RCOR3: variants seen among roughly 807,000 people sequenced by gnomAD.
RCOR3 encodes the protein REST corepressor 3.
In RCOR3, 13 loss-of-function variants were observed where a neutral mutation model predicts 64.1. The observed-to-expected ratio is 0.20, with a 90% CI of 0.13 to 0.32. The LOEUF (loss-of-function observed/expected upper bound fraction) is 0.32, where lower values mean the gene tolerates loss of function less well. Ranked by LOEUF, RCOR3 falls within the 10% of genes least tolerant of loss-of-function variation. The pLI is 1.00. For synonymous variants in RCOR3, 215 were observed against 239.0 expected, an observed-to-expected ratio of 0.90 and a Z score of 0.93; for missense variants, 489 against 701.2, an observed-to-expected ratio of 0.70 and a Z score of 3.42.
chr1:211,303,993 CTG>C (rs1700627881), intron 9 of RCOR3, 88 bp from the exon 10 acceptor site: 9 of 728,624 alleles, frequency 1.2e-5, no homozygotes, highest in Non-Finnish European at 2.0e-5. Flanking sequence ...AATCTCATGT[CTG>C]TGATTTGATG....
chr1:211,313,072 T>G lies in RCOR3; in HGVS notation c.1317+111T>G. On this transcript the variant is annotated intron_variant, in intron 11 of 11. Transcript: ENST00000419091. This position sits in a 1 kb window ranked among gnomAD's most constrained non-coding sequence, Gnocchi z 4.7. The stretch of plus-strand genomic sequence containing the variant: ...GACTAGCTAAATTGAGCATGAAAGG[T>G]TGACAATACACTTCTTCAGTGGTGC... The G allele has an allele frequency of 6.4e-7, 1 of 1,570,082 alleles. No individual in the cohort carries two copies. Among genetic ancestry groups the G allele is most frequent in the Non-Finnish European group, 8.6e-7 (1 of 1,159,994 alleles).
At chr1:211,307,973 A>T (rs1335544853) in intron 10 of RCOR3, among the ~76,000 whole-genome samples, 1 of 152,150 alleles carries the variant, frequency 6.6e-6, no homozygotes, top group East Asian at 1.9e-4. Context: ...AGATAAATGA[A>T]GTTGCAAGTC....
intron 3 of RCOR3, 79 bp from the exon 4 acceptor site, chr1:211,274,131 G>T: frequency 3.2e-6 from 3 of 928,780 alleles, no homozygotes; most frequent in South Asian, 1.7e-5. Context: ...GTTTTAATTT[G>T]CTATGTTAAG....
chr1:211,272,040 C>T (rs1571829544), intron 3 of RCOR3, among the ~76,000 whole-genome samples: 2 of 152,068 alleles, frequency 1.3e-5, no homozygotes, highest in Middle Eastern at 3.2e-3. Context: ...TATTTAGTAC[C>T]ATGAAAATTA....
rs768803636 is a variant in RCOR3, at chr1:211,289,322, G to A, written c.865G>A (p.Val289Ile). 1.9e-5 allele frequency: 31 copies of A among 1,614,114 alleles called. No individual in the cohort carries two copies. Among genetic ancestry groups the A allele is most frequent in the Non-Finnish European group, 2.5e-5 (29 of 1,179,982 alleles). ...MYLTQEDVVAVSCSPNAANTI... is the reference protein window; with the variant it reads ...MYLTQEDVVAISCSPNAANTI... ...TTTAACCCAGGAAGATGTGGTAGCA[G>A]TTTCCTGTAGTCCCAATGCAGCCAA... is the stretch of plus-strand genomic sequence containing the variant. The change falls in exon 8 of 12, where the codon GTT (valine) becomes ATT (isoleucine). Residue 289 changes from valine (V) to isoleucine (I), a missense_variant. Val to Ile is a conservative substitution (Grantham distance 29). This residue lies in a region of RCOR3 where 402 missense variants were observed against 617.0 expected (regional missense o/e 0.65). Transcript: ENST00000419091.
chr1:211,279,449 A>G, intron 7 of RCOR3, 133 bp downstream of exon 7: 2 of 597,232 alleles, frequency 3.3e-6, no homozygotes, highest in Non-Finnish European at 5.9e-6. Context: ...TTAATTAGCA[A>G]TACAGTCATA....
intron 7 of RCOR3, among the ~76,000 whole-genome samples, chr1:211,288,502 AT>A (rs1447402879): frequency 9.7e-5 from 2 of 20,542 alleles, no homozygotes; most frequent in African/African-American, 2.3e-4. Flanking sequence ...TTTATAAATT[AT>A]TTTATAAATA....
intron 3 of RCOR3, among the ~76,000 whole-genome samples, chr1:211,273,867 A>C (rs1010977603): frequency 1.1e-4 from 16 of 152,300 alleles, no homozygotes; most frequent in Admixed American, 7.8e-4. Flanking sequence ...AATAAAGACT[A>C]TTAAAAAAGG....
chr1:211,259,511 A>C lies in RCOR3; in HGVS notation c.-50A>C. 6.6e-7 allele frequency: 1 copy of C among 1,508,804 alleles called. No individual in the cohort carries two copies. The highest frequency in any genetic ancestry group is 1.2e-5 in the South Asian group (1 of 81,156). 93.5% of individuals were successfully genotyped at this position (1,508,804 alleles called of 1,614,324 possible). A position where few individuals can be genotyped will look rare whatever the true frequency, so the allele number is the denominator to read the frequency against. On this transcript the variant is annotated 5_prime_UTR_variant, in exon 1 of 12. Coordinates refer to ENST00000419091, the MANE Select transcript of RCOR3 (RefSeq NM_001136223.3). ...CGCGCTCTAAGCCATCTCCGCCTTC[A>C]CCCTGACGCCTGCCTCTTCCCCTCA... is the stretch of plus-strand genomic sequence containing the variant.
At chr1:211,298,539 T>G (rs1309330347) in intron 9 of RCOR3, among the ~76,000 whole-genome samples, 2 of 152,192 alleles carry the variant, frequency 1.3e-5, no homozygotes, top group East Asian at 3.8e-4. Context: ...TATTGAGGAT[T>G]CCATGGAAAT....
intron 7 of RCOR3, among the ~76,000 whole-genome samples, chr1:211,288,503 T>C (rs567369902): frequency 1.2e-4 from 2 of 16,864 alleles, no homozygotes; most frequent in Non-Finnish European, 3.5e-4. Flanking sequence ...TTATAAATTA[T>C]TTTATAAATA....
At chr1:211,270,650 C>T (rs1219907651) in intron 2 of RCOR3, among the ~76,000 whole-genome samples, 2 of 151,658 alleles carry the variant, frequency 1.3e-5, no homozygotes, top group African/African-American at 4.8e-5. Flanking sequence ...GATTTATTAC[C>T]TTCTGTCAAG....
intron 5 of RCOR3, 66 bp from the exon 6 acceptor site, chr1:211,278,051 T>C: frequency 7.3e-7 from 1 of 1,375,660 alleles, no homozygotes; most frequent in Non-Finnish European, 1.0e-6. Flanking sequence ...ATAGTAAAGA[T>C]ATCATCAAAA....
chr1:211,284,114 C>T (rs1032091561), intron 7 of RCOR3, among the ~76,000 whole-genome samples: 3 of 151,406 alleles, frequency 2.0e-5, no homozygotes, highest in South Asian at 2.1e-4. Context: ...AGTGCAGTGG[C>T]GGGATCTCGG....
intron 7 of RCOR3, among the ~76,000 whole-genome samples, chr1:211,287,750 G>A (rs573757157): frequency 1.2e-3 from 177 of 152,128 alleles, no homozygotes; most frequent in African/African-American, 3.8e-3. Flanking sequence ...GCATGGTGGC[G>A]GGTGCCTGTA....
chr1:211,276,955 ATGCGCC>A (rs2102499750), intron 5 of RCOR3, among the ~76,000 whole-genome samples: 1 of 152,030 alleles, frequency 6.6e-6, no homozygotes, highest in South Asian at 2.1e-4. Context: ...GTGTGGTGGC[ATGCGCC>A]TGTAGCCCCA....
intron 4 of RCOR3, 42 bp from the exon 5 acceptor site, chr1:211,276,215 A>G (rs779424241): frequency 6.3e-6 from 10 of 1,579,684 alleles, no homozygotes; most frequent in East Asian, 2.2e-5. Flanking sequence ...GTGATGGAAC[A>G]TAAGTCCATT....
intron 7 of RCOR3, among the ~76,000 whole-genome samples, chr1:211,284,893 G>A (rs1258223985): frequency 6.6e-6 from 1 of 152,136 alleles, no homozygotes; most frequent in African/African-American, 2.4e-5. Flanking sequence ...TTTTATATGA[G>A]GCTTACGCAT....
chr1:211,301,255 G>A (rs150951796), intron 9 of RCOR3, among the ~76,000 whole-genome samples: 4 of 152,038 alleles, frequency 2.6e-5, no homozygotes, highest in South Asian at 4.2e-4. Flanking sequence ...CCTGAATGTC[G>A]AATACCTCAT....
Sources: allele counts gnomAD v4.1 joint callset (sites outside exome capture counted in the v4.1 genomes callset), GRCh38; gene constraint gnomAD v4.1.1; regional missense constraint gnomAD v4.1.1; non-coding constraint Gnocchi (gnomAD v3.1); transcripts MANE v1.5; gene names NCBI Gene and HGNC (gene_info 2026-07-23, HGNC 2026-07-21).